Variants in DPYD observed in about 807,000 individuals in gnomAD.
DPYD encodes the protein dihydropyrimidine dehydrogenase [NADP(+)].
In DPYD, 109 loss-of-function variants were observed where a neutral mutation model predicts 116.2. The ratio of observed to expected loss-of-function variants is 0.94; its 90% CI spans 0.80 to 1.10. The LOEUF (loss-of-function observed/expected upper bound fraction) is 1.10. Among genes scored for constraint, DPYD ranks in the 50% least tolerant of loss-of-function variants. The pLI is 0.00. For missense variants in DPYD, 1,302 were observed against 1,254.5 expected, an observed-to-expected ratio of 1.04 and a Z score of -0.57; for synonymous variants, 440 against 432.0, an observed-to-expected ratio of 1.02 and a Z score of -0.23.
chr1:97,359,371 T>C (rs563659417), intron 16 of DPYD, among the ~76,000 whole-genome samples: 1 of 152,296 alleles, frequency 6.6e-6, no homozygotes, highest in Non-Finnish European at 1.5e-5. Flanking sequence ...TGGAACCAAG[T>C]TGGAAAACAC....
intron 18 of DPYD, chr1:97,295,483 T>G (rs1360248053): frequency 2.0e-5 from 3 of 151,736 alleles, no homozygotes; most frequent in Non-Finnish European, 4.4e-5. Context: ...CAGGCTGGAG[T>G]GCATGGGCGC....
In DPYD at chr1:97,814,918, AAAAG is replaced by A. The variant is rs1332683648; in HGVS notation, c.233+13192_233+13195del. 9.0e-3 allele frequency among the ~76,000 whole-genome samples: 774 copies of A among 85,576 alleles called. 12 individuals are homozygous for A. The highest frequency in any genetic ancestry group is 0.037 in the African/African-American group (733 of 19,664). 56.1% of individuals were successfully genotyped at this position (85,576 alleles called of 152,430 possible). On this transcript the variant is annotated intron_variant, in intron 3 of 22. Transcript: ENST00000370192. ...GACCCTGTCTCAAAAAAAAAAAAAA[AAAAG>A]AAAGAGAGAGGAAAGAAAGAAAGAA... is the stretch of plus-strand genomic sequence containing the variant.
intron 8 of DPYD, among the ~76,000 whole-genome samples, chr1:97,611,532 T>C (rs139950707): frequency 6.6e-6 from 1 of 152,076 alleles, no homozygotes; most frequent in Admixed American, 6.6e-5. Flanking sequence ...ACAGGGGCAA[T>C]CCATGCAACT....
intron 20 of DPYD, among the ~76,000 whole-genome samples, chr1:97,166,194 T>C (rs1342259087): frequency 6.6e-6 from 1 of 152,168 alleles, no homozygotes; most frequent in Non-Finnish European, 1.5e-5. Flanking sequence ...TAAATGCCCA[T>C]CAATGGCAGA....
intron 19 of DPYD, among the ~76,000 whole-genome samples, chr1:97,227,369 A>AAAAAG (rs1661253992): frequency 6.7e-6 from 1 of 149,578 alleles, no homozygotes; most frequent in South Asian, 2.1e-4. Context: ...AAAGAAAGAA[A>AAAAAG]AAAGAAAGAA....
chr1:97,148,910 T>G (rs1654822901), intron 20 of DPYD, among the ~76,000 whole-genome samples: 1 of 152,318 alleles, frequency 6.6e-6, no homozygotes, highest in Non-Finnish European at 1.5e-5. Flanking sequence ...TATAAGCTCT[T>G]AATAGAAAAT....
At chr1:97,129,228 T>C (rs548189777) in intron 20 of DPYD, among the ~76,000 whole-genome samples, 2 of 152,086 alleles carry the variant, frequency 1.3e-5, no homozygotes, top group East Asian at 3.9e-4. Context: ...CACACCCAGC[T>C]AATTTTTTGT....
chr1:97,856,785 C>T (rs1670868417), intron 2 of DPYD: 1 of 152,248 alleles, frequency 6.6e-6, no homozygotes, highest in Non-Finnish European at 1.5e-5. Context: ...GTCCTTCCAA[C>T]AGACCACTCC....
intron 4 of DPYD, among the ~76,000 whole-genome samples, chr1:97,724,792 T>C (rs1349863454): frequency 1.3e-5 from 2 of 151,424 alleles, no homozygotes; most frequent in Admixed American, 1.3e-4. Context: ...ATCGGACACA[T>C]AAAATCAGCC....
At chr1:97,673,000 G>A (rs1328662140) in intron 8 of DPYD, among the ~76,000 whole-genome samples, 2 of 152,112 alleles carry the variant, frequency 1.3e-5, no homozygotes, top group East Asian at 1.9e-4. Flanking sequence ...TTCTTCTTGA[G>A]TATCAGCTTA....
At chr1:97,749,784 C>T (rs1312086203) in intron 3 of DPYD, among the ~76,000 whole-genome samples, 2 of 152,022 alleles carry the variant, frequency 1.3e-5, no homozygotes, top group Non-Finnish European at 2.9e-5. Context: ...CTCACCACAA[C>T]TATGGTTTCC....
At chr1:97,873,335 C>G (rs1203307596) in intron 2 of DPYD, among the ~76,000 whole-genome samples, 2 of 151,756 alleles carry the variant, frequency 1.3e-5, no homozygotes, top group African/African-American at 4.8e-5. Context: ...AAGTGTGATG[C>G]AATAAATTAA....
rs376559947 is a variant in DPYD at position 97,506,176 on chromosome 1, T to C, written c.1740+9550A>G. Among the ~76,000 whole-genome samples the C allele has an allele frequency of 1.6e-4, 25 of 152,144 alleles. No individual in the cohort carries two copies. In the East Asian group the frequency reaches 4.1e-3, roughly 25 times the overall value. On this transcript the variant is annotated intron_variant, in intron 13 of 22. Transcript: ENST00000370192. ...CAGTCTTGTAACAAAATAGCCAATG[T>C]AGGTATGCCTTTAATAAAAATCTGA...
chr1:97,621,574 T>C (rs11578528), intron 8 of DPYD, among the ~76,000 whole-genome samples: 9,027 of 152,190 alleles, frequency 0.059, 309 homozygotes, highest in Middle Eastern at 0.13. Context: ...TACATGTATA[T>C]GCATAGGTTA....
At chr1:97,667,379 T>C (rs971746556) in intron 8 of DPYD, among the ~76,000 whole-genome samples, 1 of 152,148 alleles carries the variant, frequency 6.6e-6, no homozygotes, top group African/African-American at 2.4e-5. Context: ...GAGGTTCTTA[T>C]TTTCTAATTC....
intron 20 of DPYD, among the ~76,000 whole-genome samples, chr1:97,136,730 C>G (rs988503602): frequency 5.3e-5 from 8 of 152,104 alleles, no homozygotes; most frequent in African/African-American, 1.9e-4. Context: ...CCCAAAAACA[C>G]TGTCAGTAAA....
chr1:97,691,687 A>C (rs770364216), intron 7 of DPYD, 30 bp downstream of exon 7: 4 of 1,569,032 alleles, frequency 2.5e-6, no homozygotes, highest in Non-Finnish European at 3.5e-6. Context: ...CTTTTTGAGC[A>C]GTACACAGAT....
chr1:97,646,276 A>G (rs147944819), intron 8 of DPYD, among the ~76,000 whole-genome samples: 40 of 150,422 alleles, frequency 2.7e-4, no homozygotes, highest in African/African-American at 9.5e-4. Context: ...TTTGGTTATT[A>G]TTTTCTCTCC....
intron 20 of DPYD, among the ~76,000 whole-genome samples, chr1:97,165,361 T>C (rs1269005005): frequency 6.6e-6 from 1 of 152,104 alleles, no homozygotes; most frequent in African/African-American, 2.4e-5. Flanking sequence ...GATGCTGAGA[T>C]AAATGGCTAG....
Sources: allele counts gnomAD v4.1 joint callset (sites outside exome capture counted in the v4.1 genomes callset), GRCh38; gene constraint gnomAD v4.1.1; transcripts MANE v1.5; gene names NCBI Gene and HGNC (gene_info 2026-07-23, HGNC 2026-07-21).